Variants in SPEF2 observed in about 807,000 individuals in gnomAD.
The protein encoded by SPEF2 is sperm flagellar and cilia associated 2.
In SPEF2, 187 loss-of-function variants were observed where a neutral mutation model predicts 224.6. The observed-to-expected ratio is 0.83, with a 90% CI of 0.74 to 0.94. The LOEUF (loss-of-function observed/expected upper bound fraction) is 0.94. Ranked by LOEUF, SPEF2 falls within the 40% of genes least tolerant of loss-of-function variation. SPEF2 has a pLI of 0.00. For synonymous variants in SPEF2, 715 were observed against 707.3 expected, an observed-to-expected ratio of 1.01 and a Z score of -0.17; for missense variants, 2,170 against 2,135.6, an observed-to-expected ratio of 1.02 and a Z score of -0.32.
Position 35,722,228 on chromosome 5 carries a change from G to T in SPEF2, c.2915-5447G>T, listed in dbSNP as rs1343415628. On this transcript the variant is annotated intron_variant, in intron 20 of 36. Coordinates refer to ENST00000356031, the MANE Select transcript of SPEF2 (RefSeq NM_024867.4). ...TTTGGCTGGGGAAGGGGAAGGCTGT[G>T]GTGGCTTGTGGCTGGGAACCAGCCA... 2.0e-5 allele frequency among the ~76,000 whole-genome samples: 3 copies of T among 152,264 alleles called. No homozygotes were observed. The East Asian group carries it at 5.8e-4, about 29-fold the overall frequency.
chr5:35,730,235 T>C (rs7447733), intron 21 of SPEF2, among the ~76,000 whole-genome samples: 92,309 of 151,644 alleles, frequency 0.61, 28,489 homozygotes, highest in Non-Finnish European at 0.63. Context: ...GATCCTGGGA[T>C]CTCTTCCTTT....
At chr5:35,737,573 A>G (rs1269251771) in intron 21 of SPEF2, among the ~76,000 whole-genome samples, 1 of 152,070 alleles carries the variant, frequency 6.6e-6, no homozygotes, top group Non-Finnish European at 1.5e-5. Flanking sequence ...ATAGTATTCC[A>G]TGGTGTATAT....
chr5:35,709,566 T>G, intron 19 of SPEF2: 1 of 986,468 alleles, frequency 1.0e-6, no homozygotes, highest in Non-Finnish European at 1.2e-6. Flanking sequence ...GAACTAGAAT[T>G]TATATGTAAT....
At chr5:35,741,637 C>T (rs772647768) in intron 23 of SPEF2, among the ~76,000 whole-genome samples, 1 of 152,130 alleles carries the variant, frequency 6.6e-6, no homozygotes, top group African/African-American at 2.4e-5. Flanking sequence ...CAGGAAGACA[C>T]GTTGGAACCA....
intron 2 of SPEF2, among the ~76,000 whole-genome samples, chr5:35,636,077 C>A (rs1745794498): frequency 6.6e-6 from 1 of 151,928 alleles, no homozygotes; most frequent in Non-Finnish European, 1.5e-5. Context: ...TACATATTCC[C>A]AGGGTTTGTT....
chr5:35,732,106 C>T (rs2149669152), intron 21 of SPEF2, among the ~76,000 whole-genome samples: 1 of 152,298 alleles, frequency 6.6e-6, no homozygotes, highest in Middle Eastern at 3.4e-3. Flanking sequence ...GCCTGCACAG[C>T]AAGAATAAGT....
chr5:35,622,363 T>TA (rs1743648373), intron 1 of SPEF2, among the ~76,000 whole-genome samples: 1 of 152,280 alleles, frequency 6.6e-6, no homozygotes, highest in Admixed American at 6.5e-5. Flanking sequence ...CATAGAGATA[T>TA]AAAAAAATCC....
intron 23 of SPEF2, among the ~76,000 whole-genome samples, chr5:35,751,012 C>T (rs1281152945): frequency 1.7e-4 from 16 of 95,654 alleles, no homozygotes; most frequent in East Asian, 8.0e-4. Flanking sequence ...TATATATATA[C>T]GTATATATAT....
intron 32 of SPEF2, among the ~76,000 whole-genome samples, chr5:35,794,856 A>G (rs894748510): frequency 4.6e-5 from 7 of 152,150 alleles, no homozygotes; most frequent in African/African-American, 1.7e-4. Flanking sequence ...TTCTTTGAAC[A>G]CTACCTGTGT....
At position 35,628,013 on chromosome 5, in the gene SPEF2, T is replaced by C. The variant is rs111844449; in HGVS notation, c.59-447T>C. Among the ~76,000 whole-genome samples the C allele has an allele frequency of 4.3e-3, 658 of 152,326 alleles. 6 individuals are homozygous for C. The highest frequency in any genetic ancestry group is 0.015 in the African/African-American group (623 of 41,574). On this transcript the variant is annotated intron_variant, in intron 1 of 36. Transcript: ENST00000356031. ...TGGCTTTAGTAAACTTTCCATTGTT[T>C]TGCAGGTTAAAATGAGGTATTTGTT...
rs769883902 is a variant in SPEF2 at position 35,628,453 on chromosome 5, A to C, written c.59-7A>C. The C allele has an allele frequency of 2.5e-6, 4 of 1,599,490 alleles. No individual in the cohort carries two copies. Among genetic ancestry groups the C allele is most frequent in the Non-Finnish European group, 3.4e-6 (4 of 1,167,132 alleles). ...CATGGTTTTTATCTCAATGTTTTGA[A>C]ACTCAGGTCCCAAGTCATTTGCAAA... On this transcript the variant is annotated splice_region_variant and splice_polypyrimidine_tract_variant and intron_variant, in intron 1 of 36. Coordinates refer to ENST00000356031, the MANE Select transcript of SPEF2 (RefSeq NM_024867.4).
intron 33 of SPEF2, among the ~76,000 whole-genome samples, chr5:35,796,656 A>C (rs1328620518): frequency 6.6e-6 from 1 of 152,068 alleles, no homozygotes; most frequent in Non-Finnish European, 1.5e-5. Context: ...GTAAGACATG[A>C]AAAAAACTGA....
At chr5:35,772,237 C>T (rs972467978) in intron 27 of SPEF2, among the ~76,000 whole-genome samples, 21 of 152,084 alleles carry the variant, frequency 1.4e-4, no homozygotes, top group Non-Finnish European at 2.9e-4. Flanking sequence ...CCCTAATTAA[C>T]CTTAGGAATG....
intron 20 of SPEF2, among the ~76,000 whole-genome samples, chr5:35,713,602 G>A (rs1211399914): frequency 6.6e-6 from 1 of 150,552 alleles, no homozygotes; most frequent in African/African-American, 2.4e-5. Context: ...CAGGCATGGT[G>A]GCACACACCT....
rs372292200 is a variant in SPEF2 at position 35,809,266 on chromosome 5, T to C, written c.5379+2013T>C. On this transcript the variant is annotated intron_variant, in intron 36 of 36. Transcript: ENST00000356031. ...CATAGGAGAGAGAAAATTGAGTACA[T>C]AATTTGGTCACTGCTCTAAAAAAAT... is the stretch of plus-strand genomic sequence containing the variant. Among the ~76,000 whole-genome samples, 17 of 152,300 alleles carry C rather than the reference T, an allele frequency of 1.1e-4. No individual in the cohort carries two copies. The East Asian group carries it at 2.1e-3, about 19-fold the overall frequency.
chr5:35,787,260 C>CTTTT (rs542133921), intron 30 of SPEF2, among the ~76,000 whole-genome samples: 20 of 141,034 alleles, frequency 1.4e-4, no homozygotes, highest in East Asian at 4.1e-4. Flanking sequence ...GCTTCACACC[C>CTTTT]TTTTTTTTTT....
intron 6 of SPEF2, among the ~76,000 whole-genome samples, chr5:35,652,128 A>C (rs1748280781): frequency 6.6e-6 from 1 of 152,234 alleles, no homozygotes; most frequent in East Asian, 1.9e-4. Context: ...CAAACAGATA[A>C]AAAGAAAATA....
chr5:35,690,933 T>A, intron 10 of SPEF2, 104 bp from the exon 11 acceptor site: 8 of 823,900 alleles, frequency 9.7e-6, no homozygotes, highest in Non-Finnish European at 1.5e-5. Context: ...ATTCATTGGC[T>A]TTTGTTGGCT....
chr5:35,713,634 G>T (rs970042548), intron 20 of SPEF2, among the ~76,000 whole-genome samples: 2 of 150,326 alleles, frequency 1.3e-5, no homozygotes, highest in East Asian at 3.9e-4. Context: ...TACTCAGGAG[G>T]CTGAGGCAGG....
Sources: allele counts gnomAD v4.1 joint callset (sites outside exome capture counted in the v4.1 genomes callset), GRCh38; gene constraint gnomAD v4.1.1; transcripts MANE v1.5; gene names NCBI Gene and HGNC (gene_info 2026-07-23, HGNC 2026-07-21).